Variants in BRINP2 observed in about 807,000 individuals in gnomAD.
The protein encoded by BRINP2 is BMP/retinoic acid inducible neural specific 2.
In BRINP2, 21 loss-of-function variants were observed where a neutral mutation model predicts 69.2. That is an observed-to-expected ratio of 0.30 (90% CI 0.22 to 0.44). BRINP2 has a LOEUF of 0.44. Ranked by LOEUF, BRINP2 falls within the 20% of genes least tolerant of loss-of-function variation. BRINP2 has a pLI of 1.00. For synonymous variants in BRINP2, 380 were observed against 394.1 expected, an observed-to-expected ratio of 0.96 and a Z score of 0.42; for missense variants, 877 against 986.0, an observed-to-expected ratio of 0.89 and a Z score of 1.48.
chr1:177,234,110 C>A lies in BRINP2; in HGVS notation c.269+3965C>A, dbSNP rs997568858. On this transcript the variant is annotated intron_variant, in intron 2 of 7. Coordinates refer to ENST00000361539, the MANE Select transcript of BRINP2 (RefSeq NM_021165.4). ...TGGTAAGAGCTAGAAGAACAGAGGT[C>A]CTGTTTCCAGTTCCATGTGTGACTT... 3.9e-5 allele frequency among the ~76,000 whole-genome samples: 6 copies of A among 152,198 alleles called. No homozygotes were observed. In the South Asian group the frequency reaches 1.2e-3, roughly 32 times the overall value.
chr1:177,221,291 A>T (rs1649524970), intron 1 of BRINP2, among the ~76,000 whole-genome samples: 1 of 152,188 alleles, frequency 6.6e-6, no homozygotes, highest in African/African-American at 2.4e-5. Context: ...GTACACAGTA[A>T]CTAATATGTA....
At chr1:177,266,101 C>CAGAGTGAGA (rs1472839503) in intron 4 of BRINP2, among the ~76,000 whole-genome samples, 1 of 150,552 alleles carries the variant, frequency 6.6e-6, no homozygotes, top group Non-Finnish European at 1.5e-5. Flanking sequence ...GCCTGGGTGA[C>CAGAGTGAGA]AGAGTGAGAC....
chr1:177,281,153 G>A lies in BRINP2; in HGVS notation c.1977G>A (p.Glu659=), dbSNP rs770730573. Residue 659 remains glutamate (E), a synonymous_variant, in exon 8 of 8, where the codon GAG becomes GAA. Coordinates refer to ENST00000361539, the MANE Select transcript of BRINP2 (RefSeq NM_021165.4). The part of the protein sequence containing the change: ...RIKSLDDSSN[E]TIYYEPLEMT... ...AGTCCCTGGATGACAGCTCCAATGA[G>A]ACAATCTACTATGAGCCCCTGGAGA... 2 of 1,614,216 alleles carry A rather than the reference G, an allele frequency of 1.2e-6. No homozygotes were observed. The highest frequency in any genetic ancestry group is 1.7e-6 in the Non-Finnish European group (2 of 1,180,036).
chr1:177,245,133 C>T (rs1650334558), intron 2 of BRINP2, among the ~76,000 whole-genome samples: 1 of 151,960 alleles, frequency 6.6e-6, no homozygotes, highest in Non-Finnish European at 1.5e-5. Context: ...GAGGGTCTCA[C>T]TAATAACTGA....
At chr1:177,236,888 C>T (rs1650044413) in intron 2 of BRINP2, among the ~76,000 whole-genome samples, 1 of 150,370 alleles carries the variant, frequency 6.7e-6, no homozygotes, top group Non-Finnish European at 1.5e-5. Context: ...AAAAGTGTCT[C>T]TTAGACACTG....
chr1:177,278,638 C>T lies in BRINP2; in HGVS notation c.1088C>T (p.Ala363Val). The change falls in exon 7 of 8, where the codon GCC becomes GTC. Residue 363 changes from alanine (A) to valine (V), a missense_variant. This residue lies in a region of BRINP2 where 566 missense variants were observed against 625.2 expected (regional missense o/e 0.91). Transcript: ENST00000361539. Reference sequence around the variant, plus strand: ...TCCACAGCTATCTCCCAGTTCTGGGCCATGGACACCAGCCTTCAGCACCGC... The same window carrying T: ...TCCACAGCTATCTCCCAGTTCTGGGTCATGGACACCAGCCTTCAGCACCGC... ...LNSTAISQFW[A>V]MDTSLQHRYQ... The T allele has an allele frequency of 6.2e-7, 1 of 1,614,226 alleles. No individual in the cohort carries two copies. The highest frequency in any genetic ancestry group is 8.5e-7 in the Non-Finnish European group (1 of 1,180,046).
intron 4 of BRINP2, among the ~76,000 whole-genome samples, chr1:177,271,763 C>A (rs768602031): frequency 1.3e-5 from 2 of 152,168 alleles, no homozygotes; most frequent in South Asian, 4.1e-4. Context: ...TGGGGTAGCA[C>A]AAAAGAAATA....
chr1:177,208,023 A>G (rs1054953616), intron 1 of BRINP2, among the ~76,000 whole-genome samples: 3 of 150,874 alleles, frequency 2.0e-5, no homozygotes, highest in African/African-American at 7.3e-5. Flanking sequence ...TACAACCTGC[A>G]CTCTGGACCC....
intron 1 of BRINP2, among the ~76,000 whole-genome samples, chr1:177,205,806 T>C (rs975842214): frequency 1.3e-5 from 2 of 152,218 alleles, no homozygotes; most frequent in African/African-American, 4.8e-5. Flanking sequence ...ACCAGGAGTA[T>C]ATTTCATGGT....
chr1:177,267,577 G>A (rs576393872), intron 4 of BRINP2, among the ~76,000 whole-genome samples: 2 of 152,198 alleles, frequency 1.3e-5, no homozygotes, highest in African/African-American at 4.8e-5. Context: ...TTTATTATTT[G>A]AATTTTATGA....
Position 177,189,176 on chromosome 1 carries a change from A to G in BRINP2, c.-77+17444A>G, listed in dbSNP as rs184799819. Among the ~76,000 whole-genome samples, 3 of 152,306 alleles carry G rather than the reference A, an allele frequency of 2.0e-5. No individual in the cohort carries two copies. In the East Asian group the frequency reaches 5.8e-4, roughly 29 times the overall value. ...CATTGTATGATCTTAATTGAAAGCAATAGTTCAAGTTAGACTTGATTCTGA... is the reference window on the plus strand; with the variant it reads ...CATTGTATGATCTTAATTGAAAGCAGTAGTTCAAGTTAGACTTGATTCTGA... On this transcript the variant is annotated intron_variant, in intron 1 of 7. Transcript: ENST00000361539.
chr1:177,245,204 T>C (rs1429489548), intron 2 of BRINP2, among the ~76,000 whole-genome samples: 2 of 152,128 alleles, frequency 1.3e-5, no homozygotes, highest in African/African-American at 2.4e-5. Flanking sequence ...TATCCTAATG[T>C]ACTCTCAGTG....
chr1:177,236,011 T>C (rs2102329648), intron 2 of BRINP2, among the ~76,000 whole-genome samples: 1 of 152,308 alleles, frequency 6.6e-6, no homozygotes, highest in African/African-American at 2.4e-5. Context: ...ACTGGTATTG[T>C]GATTTAAATT....
chr1:177,197,080 G>A (rs902115012), intron 1 of BRINP2, among the ~76,000 whole-genome samples: 2 of 152,052 alleles, frequency 1.3e-5, no homozygotes, highest in Non-Finnish European at 2.9e-5. Context: ...TTGACATAAA[G>A]AAATACCTGA....
At chr1:177,178,306 C>T (rs576539437) in intron 1 of BRINP2, among the ~76,000 whole-genome samples, 90 of 152,276 alleles carry the variant, frequency 5.9e-4, no homozygotes, top group African/African-American at 2.0e-3. Flanking sequence ...CCAGTGACTC[C>T]CCACTATTGT....
At chr1:177,201,343 C>A (rs1462388436) in intron 1 of BRINP2, among the ~76,000 whole-genome samples, 1 of 152,132 alleles carries the variant, frequency 6.6e-6, no homozygotes, top group African/African-American at 2.4e-5. Flanking sequence ...ACGCTTCAGG[C>A]AATTTTGGCT....
intron 2 of BRINP2, among the ~76,000 whole-genome samples, chr1:177,237,976 C>T (rs918282867): frequency 6.6e-6 from 1 of 152,192 alleles, no homozygotes; most frequent in Non-Finnish European, 1.5e-5. Context: ...CACCCCAGAG[C>T]TTCCCACATA....
chr1:177,248,532 C>A (rs1360875982), intron 2 of BRINP2, among the ~76,000 whole-genome samples: 1 of 150,270 alleles, frequency 6.7e-6, no homozygotes, highest in East Asian at 2.0e-4. Flanking sequence ...ATACTCTCCC[C>A]CTTAAGGCTG....
intron 5 of BRINP2, among the ~76,000 whole-genome samples, chr1:177,274,992 G>A (rs972643426): frequency 1.3e-5 from 2 of 152,176 alleles, no homozygotes; most frequent in Non-Finnish European, 2.9e-5. Context: ...ACAAGGTCAA[G>A]GGCCTAAAAA....
Sources: allele counts gnomAD v4.1 joint callset (sites outside exome capture counted in the v4.1 genomes callset), GRCh38; gene constraint gnomAD v4.1.1; regional missense constraint gnomAD v4.1.1; transcripts MANE v1.5; gene names NCBI Gene and HGNC (gene_info 2026-07-23, HGNC 2026-07-21).